Variants in SYNE1 observed in about 807,000 individuals in gnomAD.
The protein encoded by SYNE1 is spectrin repeat containing nuclear envelope protein 1.
A neutral mutation model predicts 1,111.0 loss-of-function variants in SYNE1; 616 were observed. The ratio of observed to expected loss-of-function variants is 0.55; its 90% confidence interval spans 0.52 to 0.59. The LOEUF is 0.59. SYNE1 is among the 20% of genes least tolerant of loss of function. The pLI is 0.00. For missense variants in SYNE1, 10,006 were observed against 10,417.0 expected (o/e 0.96, Z 1.72); for synonymous variants, 3,855 against 3,825.8 (o/e 1.01, Z -0.28).
At chr6:152,605,703 C>T (rs1206556194) in intron 3 of SYNE1, among the ~76,000 whole-genome samples, 1 of 152,176 alleles carries the variant, frequency 6.6e-6, no homozygotes, top group African/African-American at 2.4e-5. Flanking sequence ...AAACTCCACA[C>T]ATAGCTTTCT....
chr6:152,122,756 G>A, intron 145 of SYNE1, 80 bp from the exon 146 acceptor site: 1 of 1,600,264 alleles, frequency 6.2e-7, no homozygotes, highest in Non-Finnish European at 8.5e-7. Context: ...CACCTTCCTG[G>A]AAGCTAAAGG....
intron 137 of SYNE1, chr6:152,145,187 G>A (rs1221678309): frequency 2.4e-6 from 1 of 416,378 alleles, no homozygotes; most frequent in African/African-American, 2.0e-5. Context: ...GGGCGCAGAG[G>A]CTGATGACTG....
In SYNE1 at chr6:152,539,983, A is replaced by G; in HGVS notation, c.106T>C (p.Trp36Arg). 6.2e-7 allele frequency: 1 copy of G among 1,613,978 alleles called. No homozygotes were observed. Among genetic ancestry groups the G allele is most frequent in the Non-Finnish European group, 8.5e-7 (1 of 1,179,906 alleles). The part of the protein sequence containing the change: ...EIVQKRTFTK[W>R]INSHLAKRKP... ...ACCTTGGCCAGATGAGAGTTGATCC[A>G]TTTTGTGAAAGTTCGTTTTTGTACT... Residue 36 changes from tryptophan (W) to arginine (R), a missense_variant, in exon 4 of 146, where the codon TGG becomes CGG. Physicochemically the swap from Trp to Arg is moderately radical, Grantham distance 101. This residue lies in a region of SYNE1 where 1,971 missense variants were observed against 2,084.1 expected (regional missense o/e 0.95). Coordinates refer to ENST00000367255, the MANE Select transcript of SYNE1 (RefSeq NM_182961.4).
At position 152,148,008 on chromosome 6, in the gene SYNE1, TC is replaced by T. The variant is rs752410705; in HGVS notation, c.24976+36del. On this transcript the variant is annotated intron_variant, in intron 137 of 145. Transcript: ENST00000367255. This position sits in a 1 kb window ranked among gnomAD's most constrained non-coding sequence, Gnocchi z 4.1. ...GGGCAATATTAATTCCCTCTGACTT[TC>T]CTTTAAGCTGGCAAACTGGAGAGGC... 7.6e-6 allele frequency: 12 copies of T among 1,573,082 alleles called. No individual in the cohort carries two copies. Among genetic ancestry groups the T allele is most frequent in the Non-Finnish European group, 9.6e-6 (11 of 1,145,560 alleles).
At chr6:152,216,742 A>G (rs183330158) in intron 121 of SYNE1, among the ~76,000 whole-genome samples, 69 of 152,356 alleles carry the variant, frequency 4.5e-4, no homozygotes, top group Non-Finnish European at 8.7e-4. Flanking sequence ...TATTTTGCTT[A>G]CTTGATTGAA....
intron 83 of SYNE1, 62 bp downstream of exon 83, chr6:152,321,659 C>A (rs1255694339): frequency 3.1e-6 from 5 of 1,599,042 alleles, no homozygotes; most frequent in Non-Finnish European, 3.4e-6. Flanking sequence ...GTATGTTCAA[C>A]TAAAATCAGG....
chr6:152,363,895 C>T (rs1294316481), intron 63 of SYNE1: 2 of 364,226 alleles, frequency 5.5e-6, no homozygotes, highest in Non-Finnish European at 1.1e-5. Context: ...CCAGCATTGC[C>T]TGACTGGATT....
At chr6:152,427,126 C>A (rs952603423) in intron 38 of SYNE1, among the ~76,000 whole-genome samples, 2 of 152,122 alleles carry the variant, frequency 1.3e-5, no homozygotes, top group Non-Finnish European at 2.9e-5. Context: ...GATTTTCTTT[C>A]TTTAAGTTTA....
rs1563314254 is a variant in SYNE1 at position 152,186,594 on chromosome 6, A to AAAG, written c.23301+2655_23301+2657dup. The stretch of plus-strand genomic sequence containing the variant: ...AAAAAAAAAAAAAAAAAAAAAAAAA[A>AAAG]AAGAAGAAGAAGAAAATTAGAAGGG... On this transcript the variant is annotated intron_variant, in intron 128 of 145. Coordinates refer to ENST00000367255, the MANE Select transcript of SYNE1 (RefSeq NM_182961.4). Among the ~76,000 whole-genome samples the AAAG allele has an allele frequency of 6.3e-3, 804 of 127,938 alleles. 4 individuals carry two copies. The highest frequency in any genetic ancestry group is 9.4e-3 in the Non-Finnish European group (574 of 61,210). The allele number at this position is 127,938 out of a possible 152,430, so 83.9% of individuals were successfully genotyped here. A position where few individuals can be genotyped will look rare whatever the true frequency, so the allele number is the denominator to read the frequency against.
intron 97 of SYNE1, among the ~76,000 whole-genome samples, chr6:152,280,545 C>G (rs2093969710): frequency 6.6e-6 from 1 of 152,006 alleles, no homozygotes; most frequent in Non-Finnish European, 1.5e-5. Flanking sequence ...ATTGAACACC[C>G]CTGTCTTAAA....
At chr6:152,334,337 G>A in intron 76 of SYNE1, 64 bp from the exon 77 acceptor site, 3 of 1,573,808 alleles carry the variant, frequency 1.9e-6, no homozygotes, top group Non-Finnish European at 2.6e-6. Flanking sequence ...AATATAGAGA[G>A]CAACACAGAC....
intron 3 of SYNE1, among the ~76,000 whole-genome samples, chr6:152,568,289 C>CTTTTTT (rs10601350): frequency 2.5e-4 from 20 of 80,282 alleles, no homozygotes; most frequent in African/African-American, 3.0e-4. Flanking sequence ...TTATTTTATT[C>CTTTTTT]TTTTTTTTTT....
At chr6:152,125,285 A>G (rs761843408) in intron 145 of SYNE1, 17 of 1,550,360 alleles carry the variant, frequency 1.1e-5, no homozygotes, top group East Asian at 7.3e-5. Context: ...ATGTAGAAGC[A>G]AAGAAGAGAA....
intron 3 of SYNE1, among the ~76,000 whole-genome samples, chr6:152,542,341 A>G (rs2099275225): frequency 6.6e-6 from 1 of 152,226 alleles, no homozygotes; most frequent in Non-Finnish European, 1.5e-5. Context: ...GACAGAATCC[A>G]TGACCTCTAA....
At chr6:152,539,077 G>A (rs2099257509) in intron 4 of SYNE1, among the ~76,000 whole-genome samples, 2 of 152,138 alleles carry the variant, frequency 1.3e-5, no homozygotes, top group Non-Finnish European at 2.9e-5. Context: ...TGCTTGTAGG[G>A]TTGGGCTTTA....
chr6:152,425,732 G>A (rs1010134894), intron 38 of SYNE1, among the ~76,000 whole-genome samples, 185 bp from the exon 39 acceptor site: 1 of 152,104 alleles, frequency 6.6e-6, no homozygotes, highest in Admixed American at 6.5e-5. Flanking sequence ...AAAGGAATTT[G>A]GTTCATCCAC....
At chr6:152,307,326 G>C (rs558367087) in intron 91 of SYNE1, among the ~76,000 whole-genome samples, 22 of 152,284 alleles carry the variant, frequency 1.4e-4, no homozygotes, top group Middle Eastern at 3.4e-3. Context: ...AGAAGAGGGT[G>C]AGATTTTTCA....
At chr6:152,473,950 C>T (rs570821757) in intron 14 of SYNE1, among the ~76,000 whole-genome samples, 8 of 152,178 alleles carry the variant, frequency 5.3e-5, no homozygotes, top group Admixed American at 2.6e-4. Context: ...CTTTGGGTGG[C>T]GGACACTGGT....
At chr6:152,492,036 T>A (rs1002820619) in intron 11 of SYNE1, among the ~76,000 whole-genome samples, 3 of 152,020 alleles carry the variant, frequency 2.0e-5, no homozygotes, top group Non-Finnish European at 1.5e-5. Context: ...CAAGGCAGAG[T>A]CAAGGTTAAC....
Sources: allele counts gnomAD v4.1 joint callset (sites outside exome capture counted in the v4.1 genomes callset), GRCh38; gene constraint gnomAD v4.1.1; regional missense constraint gnomAD v4.1.1; non-coding constraint Gnocchi (gnomAD v3.1); transcripts MANE v1.5; gene names NCBI Gene and HGNC (gene_info 2026-07-23, HGNC 2026-07-21).